The following HNF1B variants were observed in gnomAD, a reference collection of about 807,000 sequenced individuals.
HNF1B encodes the protein hepatocyte nuclear factor 1-beta.
In HNF1B, 8 loss-of-function variants were observed where a neutral mutation model predicts 61.7. The observed-to-expected ratio is 0.13, with a 90% CI of 0.08 to 0.23. The LOEUF is 0.23. Ranked by LOEUF, HNF1B falls within the 10% of genes least tolerant of loss-of-function variation. The pLI is 1.00. For synonymous variants in HNF1B, 314 were observed against 287.7 expected (o/e 1.09, Z -0.93); for missense variants, 562 against 714.5 (o/e 0.79, Z 2.43).
chr17:37,728,265 G>C (rs1240411650), intron 4 of HNF1B, among the ~76,000 whole-genome samples: 1 of 151,398 alleles, frequency 6.6e-6, no homozygotes, highest in Non-Finnish European at 1.5e-5. Context: ...GCCTTCCAAA[G>C]TTCTGGGATT....
chr17:37,712,849 G>A (rs2032981297), intron 4 of HNF1B, among the ~76,000 whole-genome samples: 1 of 152,194 alleles, frequency 6.6e-6, no homozygotes, highest in African/African-American at 2.4e-5. Flanking sequence ...AACTATGGGT[G>A]GGGATGCTGT....
At chr17:37,719,873 C>T (rs1411880967) in intron 4 of HNF1B, among the ~76,000 whole-genome samples, 1 of 152,196 alleles carries the variant, frequency 6.6e-6, no homozygotes, top group African/African-American at 2.4e-5. Flanking sequence ...GGGAGAAGAT[C>T]CTTTGAGGTC....
At chr17:37,738,279 A>T (rs756326063) in intron 2 of HNF1B, among the ~76,000 whole-genome samples, 6 of 151,880 alleles carry the variant, frequency 4.0e-5, no homozygotes, top group Non-Finnish European at 8.9e-5. Context: ...CAATCTATTC[A>T]TGTAATGCTC....
intron 8 of HNF1B, among the ~76,000 whole-genome samples, chr17:37,697,030 T>TA (rs766594323): frequency 4.6e-5 from 7 of 152,196 alleles, no homozygotes; most frequent in Non-Finnish European, 7.3e-5. Flanking sequence ...TGGCAGCAGT[T>TA]ACCGTAGAAT....
intron 8 of HNF1B, among the ~76,000 whole-genome samples, chr17:37,693,189 C>CAAAAAAA (rs11464180): frequency 6.3e-5 from 3 of 47,754 alleles, no homozygotes; most frequent in Middle Eastern, 0.012. Flanking sequence ...GATTCCATCT[C>CAAAAAAA]AAAAAAAAAA....
chr17:37,728,615 T>C (rs2033587508), intron 4 of HNF1B: 3 of 151,848 alleles, frequency 2.0e-5, no homozygotes, highest in South Asian at 2.1e-4. Flanking sequence ...CTTTTTTTTT[T>C]TTTTTTTTTC....
chr17:37,703,611 A>G (rs1440115439), intron 6 of HNF1B, among the ~76,000 whole-genome samples: 1 of 152,200 alleles, frequency 6.6e-6, no homozygotes, highest in Non-Finnish European at 1.5e-5. Context: ...TATTAGTATA[A>G]TTACCATATT....
At chr17:37,738,584 G>C (rs930835516) in intron 2 of HNF1B, among the ~76,000 whole-genome samples, 1 of 152,220 alleles carries the variant, frequency 6.6e-6, no homozygotes, top group African/African-American at 2.4e-5. Context: ...TCAAAGTAAT[G>C]AAAGTGTAAT....
chr17:37,736,586 AAAC>A (rs904215846), intron 2 of HNF1B, among the ~76,000 whole-genome samples: 2 of 152,098 alleles, frequency 1.3e-5, no homozygotes, highest in Admixed American at 6.5e-5. Flanking sequence ...CTCTCACTAA[AAAC>A]AAAACCCAAG....
intron 5 of HNF1B, among the ~76,000 whole-genome samples, chr17:37,709,445 G>A (rs1489065467): frequency 6.6e-6 from 1 of 151,700 alleles, no homozygotes; most frequent in African/African-American, 2.4e-5. Context: ...AATAGAGATG[G>A]TGTTTCGCCC....
At chr17:37,720,320 C>A (rs1860759700) in intron 4 of HNF1B, among the ~76,000 whole-genome samples, 1 of 152,064 alleles carries the variant, frequency 6.6e-6, no homozygotes, top group Non-Finnish European at 1.5e-5. Flanking sequence ...ACTAGTAGAA[C>A]TAAATTAAAT....
intron 5 of HNF1B, among the ~76,000 whole-genome samples, chr17:37,709,694 C>G (rs987854195): frequency 6.6e-6 from 1 of 152,148 alleles, no homozygotes; most frequent in Non-Finnish European, 1.5e-5. Context: ...GACATTTACA[C>G]GACAACAACA....
intron 1 of HNF1B, 120 bp from the exon 2 acceptor site, chr17:37,739,759 TA>T (rs755607567): frequency 6.1e-6 from 6 of 984,152 alleles, no homozygotes; most frequent in Non-Finnish European, 9.5e-6. Flanking sequence ...CCATCTAAGC[TA>T]CAACTTTGGG....
rs775562256 is a variant in HNF1B at position 37,733,628 on chromosome 17, C to T, written c.738G>A (p.Leu246=). The T allele has an allele frequency of 6.2e-7, 1 of 1,614,146 alleles. No individual in the cohort carries two copies. Among genetic ancestry groups the T allele is most frequent in the Non-Finnish European group, 8.5e-7 (1 of 1,180,032 alleles). The change falls in exon 3 of 9, where the codon TTG becomes TTA. Residue 246 remains leucine (L), a synonymous_variant. Transcript: ENST00000617811. The stretch of plus-strand genomic sequence containing the variant: ...TCTTTTGCCGATCGTAGGCCTGGTA[C>T]AAGATTTGCTGGGACGCGGGCCCCC... ...FKWGPASQQI[L]YQAYDRQKNP...
chr17:37,738,395 C>G (rs2033895958), intron 2 of HNF1B, among the ~76,000 whole-genome samples: 1 of 152,158 alleles, frequency 6.6e-6, no homozygotes, highest in Admixed American at 6.5e-5. Flanking sequence ...CACTTCAGAG[C>G]AGTGTGTAAC....
chr17:37,721,307 A>G (rs2033305809), intron 4 of HNF1B, among the ~76,000 whole-genome samples: 1 of 152,200 alleles, frequency 6.6e-6, no homozygotes, highest in Non-Finnish European at 1.5e-5. Flanking sequence ...AGTTCCTGAA[A>G]CGGGGAAGGA....
At chr17:37,717,844 A>G (rs1333931854) in intron 4 of HNF1B, among the ~76,000 whole-genome samples, 1 of 152,216 alleles carries the variant, frequency 6.6e-6, no homozygotes, top group Non-Finnish European at 1.5e-5. Flanking sequence ...TCTTATTAAT[A>G]TTTCCTCCTC....
intron 1 of HNF1B, among the ~76,000 whole-genome samples, chr17:37,741,966 C>T (rs754832570): frequency 6.6e-6 from 1 of 152,242 alleles, no homozygotes; most frequent in East Asian, 1.9e-4. Context: ...CGTGTGTTCA[C>T]CGGGAAGAGC....
intron 6 of HNF1B, among the ~76,000 whole-genome samples, chr17:37,702,368 G>C (rs980268314): frequency 2.0e-5 from 3 of 152,180 alleles, no homozygotes; most frequent in Admixed American, 2.0e-4. Context: ...AGACCCCTGA[G>C]CAGAAAGGAC....
Sources: gnomAD v4.1 joint callset for allele counts (sites outside exome capture counted in the v4.1 genomes callset) on GRCh38, gnomAD v4.1.1 for gene constraint, MANE v1.5 for transcripts, NCBI Gene and HGNC (gene_info 2026-07-23, HGNC 2026-07-21) for gene names.